The following RAF1 variants were observed in gnomAD, a reference collection of about 807,000 sequenced individuals.
RAF1 encodes RAF proto-oncogene serine/threonine-protein kinase.
RAF1 carries 27 observed loss-of-function variants against 81.1 expected under a neutral mutation model. That is an observed-to-expected ratio of 0.33 (90% CI 0.25 to 0.46). RAF1 has a LOEUF of 0.46. Among genes scored for constraint, RAF1 ranks in the 20% least tolerant of loss-of-function variants. The pLI, the probability that RAF1 is intolerant of heterozygous loss-of-function variation, is 1.00. For missense variants in RAF1, 598 were observed against 826.0 expected (o/e 0.72, Z 3.38); for synonymous variants, 298 against 294.0 (o/e 1.01, Z -0.14).
intron 11 of RAF1, among the ~76,000 whole-genome samples, chr3:12,593,440 A>G (rs2058585145): frequency 6.6e-6 from 1 of 150,480 alleles, no homozygotes; most frequent in Non-Finnish European, 1.5e-5. Context: ...GATAGGCCCA[A>G]ACTGTCTCCC....
intron 1 of RAF1, among the ~76,000 whole-genome samples, chr3:12,645,097 C>CAAAAAAAAAAAAA (rs11401342): frequency 1.5e-5 from 1 of 65,060 alleles, no homozygotes; most frequent in Non-Finnish European, 3.3e-5. Context: ...GACTCAGTCT[C>CAAAAAAAAAAAAA]AAAAAAAAAA....
chr3:12,597,404 G>C (rs957532252), intron 11 of RAF1, among the ~76,000 whole-genome samples: 1 of 152,056 alleles, frequency 6.6e-6, no homozygotes, highest in Non-Finnish European at 1.5e-5. Context: ...AATTAAACTT[G>C]GGTACAACTT....
At chr3:12,607,923 C>A (rs2059086475) in intron 5 of RAF1, among the ~76,000 whole-genome samples, 1 of 126,276 alleles carries the variant, frequency 7.9e-6, no homozygotes, top group Non-Finnish European at 1.6e-5. Flanking sequence ...TGTACTCCAG[C>A]CTAATGACAG....
At chr3:12,622,068 T>C (rs1403175093) in intron 1 of RAF1, among the ~76,000 whole-genome samples, 1 of 152,200 alleles carries the variant, frequency 6.6e-6, no homozygotes, top group African/African-American at 2.4e-5. Context: ...CGCTGCCTCC[T>C]GCCTCTAAAG....
chr3:12,644,062 G>GT (rs1025046425), intron 1 of RAF1, among the ~76,000 whole-genome samples: 2 of 152,080 alleles, frequency 1.3e-5, no homozygotes, highest in African/African-American at 2.4e-5. Context: ...GGTTTTGCTG[G>GT]TTTTTTTCAG....
chr3:12,594,698 G>C (rs993377219), intron 11 of RAF1, among the ~76,000 whole-genome samples: 1 of 152,130 alleles, frequency 6.6e-6, no homozygotes, highest in Non-Finnish European at 1.5e-5. Context: ...GTTAAAAGGT[G>C]ATCTTTTCTT....
intron 1 of RAF1, among the ~76,000 whole-genome samples, chr3:12,633,705 G>C (rs932422097): frequency 7.3e-5 from 11 of 151,552 alleles, no homozygotes; most frequent in African/African-American, 2.4e-4. Context: ...GGAAGCCGAG[G>C]CGGGCGGATC....
At chr3:12,624,926 T>C (rs1374074283) in intron 1 of RAF1, among the ~76,000 whole-genome samples, 4 of 146,962 alleles carry the variant, frequency 2.7e-5, no homozygotes, top group Non-Finnish European at 6.0e-5. Context: ...AAGGAGCTCC[T>C]AAAAATTAGT....
intron 1 of RAF1, among the ~76,000 whole-genome samples, chr3:12,629,439 A>AAT (rs549659804): frequency 3.3e-5 from 5 of 152,222 alleles, no homozygotes; most frequent in Non-Finnish European, 7.3e-5. Flanking sequence ...GATATTAGCT[A>AAT]ATGTATTAGC....
intron 1 of RAF1, among the ~76,000 whole-genome samples, chr3:12,642,336 A>C (rs1171789659): frequency 1.3e-5 from 2 of 150,802 alleles, no homozygotes; most frequent in Non-Finnish European, 3.0e-5. Context: ...AAAAACAAAC[A>C]AACAAACCAA....
Position 12,663,912 on chromosome 3 carries a change from T to C in RAF1, c.-126A>G, listed in dbSNP as rs1012236521. On this transcript the variant is annotated 5_prime_UTR_variant, in exon 1 of 18. Transcript: ENST00000442415. The stretch of plus-strand genomic sequence containing the variant: ...GTGAGGGAGCGGGAGGCGGTCACAT[T>C]CGGCGCGTCCCCAGCCCAGGGGACG... 8.0e-5 allele frequency: 32 copies of C among 398,036 alleles called. No individual in the cohort carries two copies. Among genetic ancestry groups the C allele is most frequent in the Non-Finnish European group, 1.2e-4 (27 of 225,766 alleles). 24.7% of individuals were successfully genotyped at this position (398,036 alleles called of 1,614,324 possible). A position where few individuals can be genotyped will look rare whatever the true frequency, so the allele number is the denominator to read the frequency against.
intron 1 of RAF1, among the ~76,000 whole-genome samples, chr3:12,629,035 C>A (rs1167833092): frequency 6.6e-6 from 1 of 152,130 alleles, no homozygotes; most frequent in East Asian, 1.9e-4. Flanking sequence ...TGAGCTACCA[C>A]ACCCAGCCAG....
chr3:12,599,608 C>T (rs746329695), intron 11 of RAF1, 83 bp downstream of exon 10: 30 of 992,878 alleles, frequency 3.0e-5, no homozygotes, highest in African/African-American at 9.5e-5. Flanking sequence ...GCACTCAGTC[C>T]TCTCCTCCTC....
chr3:12,652,713 A>C (rs2060569801), intron 1 of RAF1, among the ~76,000 whole-genome samples: 1 of 151,556 alleles, frequency 6.6e-6, no homozygotes, highest in African/African-American at 2.4e-5. Context: ...TTGGGGAGGC[A>C]GAGGCGGGTG....
intron 1 of RAF1, among the ~76,000 whole-genome samples, chr3:12,656,815 C>G (rs1404359521): frequency 6.6e-6 from 1 of 151,868 alleles, no homozygotes; most frequent in African/African-American, 2.4e-5. Context: ...TGGCCAACAT[C>G]ATGAAACCCC....
intron 8 of RAF1, chr3:12,603,428 A>G: frequency 1.5e-6 from 1 of 662,092 alleles, no homozygotes; most frequent in Non-Finnish European, 2.8e-6. Flanking sequence ...TGACAGTTTT[A>G]GCAATCCTGT....
At chr3:12,585,594 C>T (rs1037314362) in intron 15 of RAF1, 87 bp downstream of exon 14, 15 of 1,401,084 alleles carry the variant, frequency 1.1e-5, no homozygotes, top group Middle Eastern at 1.8e-4. Flanking sequence ...GGGAAATGTA[C>T]AGAAACGCTT....
At chr3:12,592,623 A>G (rs963270259) in intron 11 of RAF1, among the ~76,000 whole-genome samples, 2 of 152,068 alleles carry the variant, frequency 1.3e-5, no homozygotes, top group African/African-American at 4.8e-5. Flanking sequence ...TATTCTACCT[A>G]TAACACTGAC....
chr3:12,656,365 A>G (rs1301709303), intron 1 of RAF1, among the ~76,000 whole-genome samples: 2 of 152,118 alleles, frequency 1.3e-5, no homozygotes, highest in Non-Finnish European at 2.9e-5. Context: ...AAATGTCATC[A>G]AGGAGCTAGC....
Sources: allele counts gnomAD v4.1 joint callset (sites outside exome capture counted in the v4.1 genomes callset), GRCh38; gene constraint gnomAD v4.1.1; transcripts MANE v1.5; gene names NCBI Gene and HGNC (gene_info 2026-07-23, HGNC 2026-07-21).